Variants in CNTNAP5 observed in about 807,000 individuals in gnomAD.
The protein encoded by CNTNAP5 is contactin associated protein family member 5.
In CNTNAP5, 72 loss-of-function variants were observed where a neutral mutation model predicts 150.2. The ratio of observed to expected loss-of-function variants is 0.48; its 90% CI spans 0.40 to 0.58. CNTNAP5 has a LOEUF of 0.58. Ranked by LOEUF, CNTNAP5 falls within the 20% of genes least tolerant of loss-of-function variation. The probability of loss-of-function intolerance (pLI) is 0.00; values close to 1 mark genes in which losing one functional copy is unlikely to be tolerated. For missense variants in CNTNAP5, 1,636 were observed against 1,626.2 expected, an observed-to-expected ratio of 1.01 and a Z score of -0.10; for synonymous variants, 672 against 619.8, an observed-to-expected ratio of 1.08 and a Z score of -1.25.
chr2:124,821,604 T>A (rs72963810), intron 19 of CNTNAP5, among the ~76,000 whole-genome samples: 1 of 151,762 alleles, frequency 6.6e-6, no homozygotes, highest in Non-Finnish European at 1.5e-5. Context: ...CAATTACCTA[T>A]TTTTTTTAGC....
chr2:124,745,692 C>G (rs1680590114), intron 13 of CNTNAP5, among the ~76,000 whole-genome samples: 1 of 152,234 alleles, frequency 6.6e-6, no homozygotes, highest in African/African-American at 2.4e-5. Context: ...CCAATTGAAA[C>G]TCTAGCTTTA....
At chr2:124,812,122 TATATAATTTATATTTATATATTATATA>T (rs1682248356) in intron 19 of CNTNAP5, among the ~76,000 whole-genome samples, 1 of 104,420 alleles carries the variant, frequency 9.6e-6, no homozygotes, top group African/African-American at 3.6e-5. Flanking sequence ...TATTATATAA[TATATAATTTATATTTATATATTATATA>T]ATATATAAAT....
chr2:124,639,070 G>C (rs979598049), intron 12 of CNTNAP5, among the ~76,000 whole-genome samples: 1 of 152,172 alleles, frequency 6.6e-6, no homozygotes, highest in African/African-American at 2.4e-5. Context: ...CACTGAAGTG[G>C]ATAAAAATTC....
intron 3 of CNTNAP5, among the ~76,000 whole-genome samples, chr2:124,333,154 A>G (rs115223869): frequency 0.078 from 11,886 of 152,076 alleles, 631 homozygotes; most frequent in Non-Finnish European, 0.11. Flanking sequence ...TGTAATCCCA[A>G]CACTTTGGGA....
chr2:124,330,591 G>T (rs544130740), intron 3 of CNTNAP5, among the ~76,000 whole-genome samples: 1 of 152,102 alleles, frequency 6.6e-6, no homozygotes, highest in Non-Finnish European at 1.5e-5. Flanking sequence ...TGTAAAAAAG[G>T]TGCCTTGCTT....
chr2:124,366,689 T>A (rs566882310), intron 3 of CNTNAP5, among the ~76,000 whole-genome samples: 1 of 152,326 alleles, frequency 6.6e-6, no homozygotes, highest in African/African-American at 2.4e-5. Context: ...CAACCATTTC[T>A]TCCTCTGATT....
chr2:124,421,675 G>A (rs1692106985), intron 4 of CNTNAP5, among the ~76,000 whole-genome samples: 1 of 152,170 alleles, frequency 6.6e-6, no homozygotes, highest in Non-Finnish European at 1.5e-5. Context: ...TGAAAGCATA[G>A]CATTCCCCTT....
At chr2:124,132,769 C>T (rs1418033137) in intron 1 of CNTNAP5, among the ~76,000 whole-genome samples, 10 of 152,156 alleles carry the variant, frequency 6.6e-5, no homozygotes, top group Non-Finnish European at 1.3e-4. Flanking sequence ...GTTCTGTCCA[C>T]TGCAGGGGGT....
chr2:124,251,412 GAGA>G (rs1377463637), intron 3 of CNTNAP5, among the ~76,000 whole-genome samples: 1 of 150,854 alleles, frequency 6.6e-6, no homozygotes, highest in African/African-American at 2.4e-5. Context: ...TGGAAGTACA[GAGA>G]AGGAGTCATA....
At chr2:124,535,228 C>T (rs933288020) in intron 10 of CNTNAP5, among the ~76,000 whole-genome samples, 1 of 152,132 alleles carries the variant, frequency 6.6e-6, no homozygotes. Context: ...TGGTTGTGCA[C>T]AGGAGGAAAT....
intron 13 of CNTNAP5, among the ~76,000 whole-genome samples, chr2:124,692,449 A>G (rs1373219662): frequency 6.6e-6 from 1 of 152,166 alleles, no homozygotes; most frequent in Non-Finnish European, 1.5e-5. Flanking sequence ...AGAAAAATGT[A>G]TGGACTCTGT....
intron 13 of CNTNAP5, among the ~76,000 whole-genome samples, chr2:124,709,598 A>G (rs1230025057): frequency 6.6e-6 from 1 of 152,134 alleles, no homozygotes; most frequent in Non-Finnish European, 1.5e-5. Flanking sequence ...ATCTGCTCAG[A>G]GACAAAATAG....
chr2:124,531,436 G>C (rs972808873), intron 10 of CNTNAP5, among the ~76,000 whole-genome samples: 1 of 152,138 alleles, frequency 6.6e-6, no homozygotes, highest in Non-Finnish European at 1.5e-5. Flanking sequence ...CTATCACAAA[G>C]AAAAGTCACT....
chr2:124,775,214 A>C (rs1483187329), intron 17 of CNTNAP5, among the ~76,000 whole-genome samples: 1 of 152,194 alleles, frequency 6.6e-6, no homozygotes, highest in African/African-American at 2.4e-5. Context: ...AACAAAGCTG[A>C]AGTCTCAACA....
At chr2:124,679,817 G>T (rs772632127) in intron 13 of CNTNAP5, among the ~76,000 whole-genome samples, 3 of 151,650 alleles carry the variant, frequency 2.0e-5, no homozygotes, top group Non-Finnish European at 4.4e-5. Context: ...TGCCCACCTC[G>T]GCCTCCCTAA....
intron 13 of CNTNAP5, among the ~76,000 whole-genome samples, chr2:124,656,757 AT>A (rs1241297135): frequency 1.3e-5 from 2 of 152,140 alleles, no homozygotes. Flanking sequence ...TAAAATATGC[AT>A]TTTTCCCATC....
At chr2:124,881,604 A>T (rs913133305) in intron 21 of CNTNAP5, among the ~76,000 whole-genome samples, 3 of 151,902 alleles carry the variant, frequency 2.0e-5, no homozygotes, top group Non-Finnish European at 1.5e-5. Flanking sequence ...GAACAGGGGG[A>T]AGAGAAGTGG....
rs147541405 is a variant in CNTNAP5, at chr2:124,788,376, T to A, written c.2753-1526T>A. 3.9e-5 allele frequency among the ~76,000 whole-genome samples: 6 copies of A among 152,318 alleles called. No homozygotes were observed. The East Asian group carries it at 1.2e-3, about 29-fold the overall frequency. On this transcript the variant is annotated intron_variant, in intron 17 of 23. Coordinates refer to ENST00000682447, the MANE Select transcript of CNTNAP5 (RefSeq NM_001367498.1). ...TCAAGATATATCCTCAGCAGAAAGT[T>A]ACAAGCCTATTGTGTATTCCACAAA...
intron 1 of CNTNAP5, among the ~76,000 whole-genome samples, chr2:124,150,913 G>A (rs756457685): frequency 2.4e-4 from 36 of 152,130 alleles, no homozygotes; most frequent in Non-Finnish European, 4.9e-4. Context: ...GAAGAGTAGC[G>A]TGTGCTTTTG....
Sources: allele counts gnomAD v4.1 joint callset (sites outside exome capture counted in the v4.1 genomes callset), GRCh38; gene constraint gnomAD v4.1.1; transcripts MANE v1.5; gene names NCBI Gene and HGNC (gene_info 2026-07-23, HGNC 2026-07-21).